TIAM1: variants seen among roughly 807,000 people sequenced by gnomAD.
TIAM1 encodes the protein rho guanine nucleotide exchange factor TIAM1.
A neutral mutation model predicts 163.5 loss-of-function variants in TIAM1; 65 were observed. That is an observed-to-expected ratio of 0.40 (90% CI 0.33 to 0.49). The LOEUF is 0.49. TIAM1 is among the 20% of genes least tolerant of loss of function. The probability of loss-of-function intolerance (pLI) is 0.77; values close to 1 mark genes in which losing one functional copy is unlikely to be tolerated. For synonymous variants in TIAM1, 833 were observed against 810.1 expected (o/e 1.03, Z -0.48); for missense variants, 1,789 against 2,044.7 (o/e 0.87, Z 2.41).
At chr21:31,181,709 A>C (rs377437272) in intron 15 of TIAM1, among the ~76,000 whole-genome samples, 1 of 130,108 alleles carries the variant, frequency 7.7e-6, no homozygotes, top group East Asian at 2.5e-4. Flanking sequence ...GGTAGGACTT[A>C]GTCTCAGCAT....
intron 1 of TIAM1, among the ~76,000 whole-genome samples, chr21:31,468,313 T>C (rs2045604818): frequency 6.7e-6 from 1 of 149,440 alleles, no homozygotes; most frequent in Admixed American, 6.7e-5. Context: ...CTGACTCTAC[T>C]GAAAAAATAG....
intron 1 of TIAM1, among the ~76,000 whole-genome samples, chr21:31,502,302 C>T (rs965351804): frequency 1.3e-5 from 2 of 152,164 alleles, no homozygotes; most frequent in African/African-American, 2.4e-5. Flanking sequence ...GACAGGGTCT[C>T]GCTCTGTCGC....
At chr21:31,302,981 T>C (rs1487273290) in intron 2 of TIAM1, among the ~76,000 whole-genome samples, 2 of 152,174 alleles carry the variant, frequency 1.3e-5, no homozygotes, top group African/African-American at 4.8e-5. Context: ...GCTGCAACCA[T>C]GCTGAATTTG....
chr21:31,123,036 A>C (rs1248230638), intron 27 of TIAM1, among the ~76,000 whole-genome samples: 1 of 152,236 alleles, frequency 6.6e-6, no homozygotes, highest in African/African-American at 2.4e-5. Context: ...AAGATCTTTC[A>C]ATCAGCTAAA....
At position 31,141,050 on chromosome 21, in the gene TIAM1, T is replaced by A; in HGVS notation, c.3774+68A>T. The A allele has an allele frequency of 8.1e-7, 1 of 1,240,430 alleles. No individual in the cohort carries two copies. Among genetic ancestry groups the A allele is most frequent in the South Asian group, 1.5e-5 (1 of 67,202 alleles). The allele number at this position is 1,240,430 out of a possible 1,614,324, so 76.8% of individuals were successfully genotyped here. ...AAGTAACACCTTTTTAAAAAATAAA[T>A]AAATAAATAAAAGCAAACTCAAACT... On this transcript the variant is annotated intron_variant, in intron 22 of 27. Transcript: ENST00000541036. The surrounding 1 kb of genome is among the most constrained non-coding windows in gnomAD (Gnocchi z 4.7).
intron 16 of TIAM1, 26 bp from the exon 17 acceptor site, chr21:31,154,452 G>A (rs772765056): frequency 6.9e-6 from 11 of 1,604,302 alleles, no homozygotes; most frequent in African/African-American, 4.0e-5. Context: ...GGGAAGGGAA[G>A]GCAGAGGTCA....
At chr21:31,494,768 C>T (rs1447667493) in intron 1 of TIAM1, among the ~76,000 whole-genome samples, 3 of 152,184 alleles carry the variant, frequency 2.0e-5, no homozygotes, top group South Asian at 2.1e-4. Flanking sequence ...GCTTGAACCT[C>T]GGAGGCAGAG....
intron 2 of TIAM1, among the ~76,000 whole-genome samples, chr21:31,330,413 A>G (rs1334591768): frequency 6.6e-6 from 1 of 151,854 alleles, no homozygotes; most frequent in Non-Finnish European, 1.5e-5. Flanking sequence ...GGTTTTTTGC[A>G]TGGTTCTTTG....
intron 15 of TIAM1, among the ~76,000 whole-genome samples, chr21:31,168,102 T>A (rs1012322216): frequency 4.0e-5 from 6 of 151,890 alleles, no homozygotes; most frequent in African/African-American, 1.4e-4. Flanking sequence ...TTATTTTTTT[T>A]TTTTTTTGGA....
chr21:31,409,069 T>C (rs1161499052), intron 2 of TIAM1, among the ~76,000 whole-genome samples: 1 of 151,396 alleles, frequency 6.6e-6, no homozygotes, highest in East Asian at 1.9e-4. Context: ...ACACTCATGC[T>C]CCTCACTCCC....
intron 14 of TIAM1, among the ~76,000 whole-genome samples, chr21:31,185,818 G>A (rs1257004957): frequency 6.6e-6 from 1 of 151,608 alleles, no homozygotes; most frequent in Non-Finnish European, 1.5e-5. Context: ...ACACACACAG[G>A]GCAGAAGCCA....
chr21:31,423,362 C>G (rs566950618), intron 2 of TIAM1, among the ~76,000 whole-genome samples: 1 of 151,910 alleles, frequency 6.6e-6, no homozygotes, highest in African/African-American at 2.4e-5. Context: ...CCTCCCAAAG[C>G]GCTGGGATTA....
intron 2 of TIAM1, among the ~76,000 whole-genome samples, chr21:31,330,736 G>A (rs563131182): frequency 6.6e-6 from 1 of 152,240 alleles, no homozygotes; most frequent in South Asian, 2.1e-4. Flanking sequence ...TTTGGTGTGG[G>A]GAGACACACC....
rs890207938 is a variant in TIAM1 at position 31,412,782 on chromosome 21, G to GT, written c.-369+51200dup. Among the ~76,000 whole-genome samples, 11 of 121,538 alleles carry GT rather than the reference G, an allele frequency of 9.1e-5. No homozygotes were observed. The East Asian group carries it at 1.5e-3, about 16-fold the overall frequency. 79.7% of individuals were successfully genotyped at this position (121,538 alleles called of 152,430 possible). A position where few individuals can be genotyped will look rare whatever the true frequency, so the allele number is the denominator to read the frequency against. On this transcript the variant is annotated intron_variant, in intron 2 of 28. Transcript: ENST00000286827. ...GGGAAAGAGAGCAAGACTGTCTCAG[G>GT]TTAAAAAAAAAAAAAAAAAAAAAAA...
intron 2 of TIAM1, among the ~76,000 whole-genome samples, chr21:31,305,354 G>A (rs957646241): frequency 6.6e-6 from 1 of 151,778 alleles, no homozygotes; most frequent in Non-Finnish European, 1.5e-5. Context: ...TGGATCTCAG[G>A]ACTCAGCAGC....
At chr21:31,439,433 G>T (rs1027490914) in intron 2 of TIAM1, among the ~76,000 whole-genome samples, 3 of 152,104 alleles carry the variant, frequency 2.0e-5, no homozygotes, top group African/African-American at 7.2e-5. Flanking sequence ...GGGATTACAG[G>T]CATGCACCAC....
intron 1 of TIAM1, among the ~76,000 whole-genome samples, chr21:31,486,124 G>A (rs1005821632): frequency 1.3e-5 from 2 of 152,170 alleles, no homozygotes; most frequent in East Asian, 3.9e-4. Flanking sequence ...ACCAGTTCTT[G>A]TCCACAATAA....
chr21:31,384,564 G>T (rs1003216936), intron 2 of TIAM1, among the ~76,000 whole-genome samples: 2 of 152,144 alleles, frequency 1.3e-5, no homozygotes, highest in Admixed American at 1.3e-4. Context: ...GACAAAGCAA[G>T]ACCCTGTCTC....
chr21:31,383,647 C>T (rs2076817291), intron 2 of TIAM1, among the ~76,000 whole-genome samples: 1 of 152,184 alleles, frequency 6.6e-6, no homozygotes, highest in Non-Finnish European at 1.5e-5. Flanking sequence ...GGAAAGAAAA[C>T]CTCCTGTATC....
Sources: gnomAD v4.1 joint callset for allele counts (sites outside exome capture counted in the v4.1 genomes callset) on GRCh38, gnomAD v4.1.1 for gene constraint, Gnocchi (gnomAD v3.1) non-coding constraint, MANE v1.5 for transcripts, NCBI Gene and HGNC (gene_info 2026-07-23, HGNC 2026-07-21) for gene names.